The following GARS1 variants were observed in gnomAD, a reference collection of about 807,000 sequenced individuals.
GARS1 encodes glycine--tRNA ligase.
GARS1 carries 46 observed loss-of-function variants against 86.4 expected under a neutral mutation model. That is an observed-to-expected ratio of 0.53 (90% confidence interval 0.42 to 0.68). GARS1 has a LOEUF of 0.68. GARS1 is among the 30% of genes least tolerant of loss of function. GARS1 has a pLI of 0.00. For missense variants in GARS1, 797 were observed against 915.6 expected (o/e 0.87, Z 1.67); for synonymous variants, 342 against 329.8 (o/e 1.04, Z -0.40).
intron 8 of GARS1, among the ~76,000 whole-genome samples, chr7:30,615,432 TA>T (rs1437340071): frequency 6.6e-6 from 1 of 152,240 alleles, no homozygotes; most frequent in African/African-American, 2.4e-5. Context: ...CACTATTCAA[TA>T]TCTTATTTCT....
intron 7 of GARS1, among the ~76,000 whole-genome samples, chr7:30,611,021 G>A (rs1791588673): frequency 6.6e-6 from 1 of 152,142 alleles, no homozygotes; most frequent in African/African-American, 2.4e-5. Flanking sequence ...CAATTTTAGG[G>A]TTTTTAGCCC....
intron 4 of GARS1, among the ~76,000 whole-genome samples, chr7:30,601,880 G>A (rs1215556398): frequency 2.0e-5 from 3 of 151,836 alleles, no homozygotes; most frequent in South Asian, 2.1e-4. Context: ...CCAGGTTCAC[G>A]CCATTCTCCT....
chr7:30,614,829 T>A (rs540270903), intron 8 of GARS1, among the ~76,000 whole-genome samples: 67 of 143,806 alleles, frequency 4.7e-4, no homozygotes, highest in African/African-American at 1.6e-3. Flanking sequence ...TGAGCCGAGA[T>A]CGCGCCACTG....
intron 8 of GARS1, among the ~76,000 whole-genome samples, chr7:30,614,727 T>G (rs956227840): frequency 8.6e-5 from 13 of 151,996 alleles, no homozygotes; most frequent in African/African-American, 3.1e-4. Flanking sequence ...ATACAAAAAA[T>G]TAGCCGGGCG....
At chr7:30,613,202 CTG>C (rs1349099526) in intron 8 of GARS1, among the ~76,000 whole-genome samples, 2 of 152,290 alleles carry the variant, frequency 1.3e-5, no homozygotes, top group South Asian at 4.2e-4. Context: ...TCTGCGCAAA[CTG>C]TATCTCTAGG....
intron 12 of GARS1, among the ~76,000 whole-genome samples, chr7:30,623,101 AAAAAAAAAAAAAC>A (rs1783051205): frequency 2.2e-5 from 3 of 137,102 alleles, no homozygotes; most frequent in South Asian, 4.3e-4. Context: ...ACTCCGTCTC[AAAAAAAAAAAAAC>A]AAAAAAAAAA....
chr7:30,608,435 G>A (rs728539), intron 6 of GARS1, among the ~76,000 whole-genome samples: 33,281 of 152,064 alleles, frequency 0.22, 5,024 homozygotes, highest in African/African-American at 0.43. Context: ...TATGGTACCC[G>A]TGTCTTGAAG....
At chr7:30,617,068 G>A in intron 9 of GARS1, 46 bp from the exon 10 acceptor site, 1 of 1,595,436 alleles carries the variant, frequency 6.3e-7, no homozygotes, top group Non-Finnish European at 8.6e-7. Flanking sequence ...GAGTATTAAT[G>A]TGTGTTTTCT....
chr7:30,614,808 G>A (rs1039115592), intron 8 of GARS1, among the ~76,000 whole-genome samples: 3 of 151,228 alleles, frequency 2.0e-5, no homozygotes, highest in Admixed American at 6.6e-5. Context: ...CCCGGGAGGC[G>A]GAGCTTGCAG....
intron 8 of GARS1, among the ~76,000 whole-genome samples, chr7:30,613,737 T>C (rs1481871170): frequency 6.6e-6 from 1 of 152,236 alleles, no homozygotes; most frequent in Non-Finnish European, 1.5e-5. Flanking sequence ...AGTTTTGTTA[T>C]GTCCCTTGCA....
intron 10 of GARS1, among the ~76,000 whole-genome samples, chr7:30,619,939 A>G (rs530549917): frequency 6.6e-6 from 1 of 151,762 alleles, no homozygotes; most frequent in South Asian, 2.1e-4. Context: ...CACTGCACCC[A>G]GCTAATTTTT....
chr7:30,598,462 C>T (rs1239422456), intron 1 of GARS1, among the ~76,000 whole-genome samples: 1 of 143,012 alleles, frequency 7.0e-6, no homozygotes, highest in African/African-American at 2.6e-5. Flanking sequence ...GATCTTAGCT[C>T]AGTGCAACCT....
chr7:30,614,386 C>G (rs1026828209), intron 8 of GARS1: 4 of 152,052 alleles, frequency 2.6e-5, no homozygotes, highest in Non-Finnish European at 5.9e-5. Flanking sequence ...AGGCAGGGCC[C>G]GTAATTTATC....
intron 7 of GARS1, among the ~76,000 whole-genome samples, chr7:30,611,778 G>A (rs181101203): frequency 1.6e-4 from 24 of 152,250 alleles, no homozygotes; most frequent in African/African-American, 4.1e-4. Context: ...GCGACTGCGC[G>A]CGGCCTGAGG....
intron 10 of GARS1, among the ~76,000 whole-genome samples, chr7:30,619,428 C>T (rs1053642415): frequency 1.3e-5 from 2 of 152,122 alleles, no homozygotes; most frequent in African/African-American, 2.4e-5. Context: ...GTTAATGCCA[C>T]ACCAATTCTC....
At chr7:30,618,464 T>C (rs1463069793) in intron 10 of GARS1, among the ~76,000 whole-genome samples, 4 of 152,090 alleles carry the variant, frequency 2.6e-5, no homozygotes, top group African/African-American at 9.7e-5. Flanking sequence ...CAAGACCCTG[T>C]CTCTACAAAA....
chr7:30,611,987 T>G, intron 7 of GARS1, 109 bp from the exon 8 acceptor site: 1 of 1,018,186 alleles, frequency 9.8e-7, no homozygotes, highest in Non-Finnish European at 1.5e-6. Context: ...TTCAACTTTG[T>G]TGTGAAAATG....
At chr7:30,597,801 G>A (rs1291654329) in intron 1 of GARS1, among the ~76,000 whole-genome samples, 1 of 152,162 alleles carries the variant, frequency 6.6e-6, no homozygotes, top group East Asian at 1.9e-4. Flanking sequence ...GTATGGAAAT[G>A]GATCACTGAA....
rs62636572 is a variant in GARS1, at chr7:30,594,932, C to T, written c.11C>T (p.Pro4Leu). 0.014 allele frequency: 22,173 copies of T among 1,591,090 alleles called. 184 individuals are homozygous for T. Among genetic ancestry groups the T allele is most frequent in the Non-Finnish European group, 0.015 (17,953 of 1,175,946 alleles). ...CAGGGCCGCAGGCTCATGCCCTCTC[C>T]GCGTCCAGTGCTGCTTAGAGGTGCT... The part of the protein sequence containing the change: MPS[P>L]RPVLLRGARA... Residue 4 changes from proline to leucine, a missense_variant, in exon 1 of 17, where the codon CCG becomes CTG. Pro to Leu is a moderately conservative substitution (Grantham distance 98, BLOSUM62 -3). Coordinates refer to ENST00000389266, the MANE Select transcript of GARS1 (RefSeq NM_002047.4).
Sources: gnomAD v4.1 joint callset for allele counts (sites outside exome capture counted in the v4.1 genomes callset) on GRCh38, gnomAD v4.1.1 for gene constraint, MANE v1.5 for transcripts, NCBI Gene and HGNC (gene_info 2026-07-23, HGNC 2026-07-21) for gene names.